PACRG: variants seen among roughly 807,000 people sequenced by gnomAD.
The protein encoded by PACRG is parkin coregulated gene protein.
In PACRG, 29 loss-of-function variants were observed where a neutral mutation model predicts 29.7. The ratio of observed to expected loss-of-function variants is 0.98; its 90% CI spans 0.73 to 1.33. The LOEUF is 1.33. PACRG is among the 40% of genes most tolerant of loss of function. The pLI, the probability that PACRG is intolerant of heterozygous loss-of-function variation, is 0.00. For missense variants in PACRG, 279 were observed against 316.2 expected, an observed-to-expected ratio of 0.88 and a Z score of 0.89; for synonymous variants, 116 against 118.7, an observed-to-expected ratio of 0.98 and a Z score of 0.15.
chr6:162,750,489 G>A (rs1048420663), intron 1 of PACRG, among the ~76,000 whole-genome samples: 2 of 152,162 alleles, frequency 1.3e-5, no homozygotes, highest in Admixed American at 6.5e-5. Flanking sequence ...TGACCTGACT[G>A]CAGGATGATA....
intron 1 of PACRG, among the ~76,000 whole-genome samples, chr6:162,780,274 G>T (rs1405357296): frequency 6.6e-6 from 1 of 152,220 alleles, no homozygotes; most frequent in East Asian, 1.9e-4. Flanking sequence ...CACTAAGAGG[G>T]AAAAATGAAC....
At chr6:163,004,005 C>T (rs1211610769) in intron 2 of PACRG, among the ~76,000 whole-genome samples, 1 of 152,112 alleles carries the variant, frequency 6.6e-6, no homozygotes, top group Admixed American at 6.6e-5. Context: ...GGATCATTAA[C>T]TCATGCTTAA....
chr6:163,285,822 T>C (rs1176492330), intron 4 of PACRG, among the ~76,000 whole-genome samples: 1 of 152,200 alleles, frequency 6.6e-6, no homozygotes, highest in South Asian at 2.1e-4. Context: ...GCAAAGAACA[T>C]TGCCCACAGT....
At chr6:162,995,429 G>T (rs530836764) in intron 2 of PACRG, among the ~76,000 whole-genome samples, 5 of 152,310 alleles carry the variant, frequency 3.3e-5, no homozygotes, top group South Asian at 4.1e-4. Flanking sequence ...CCAGGTGTGG[G>T]ATATAGTCTC....
chr6:162,770,507 A>G (rs1783135707), intron 1 of PACRG, among the ~76,000 whole-genome samples: 1 of 152,154 alleles, frequency 6.6e-6, no homozygotes, highest in Non-Finnish European at 1.5e-5. Flanking sequence ...TTCAAGCCAC[A>G]TAAAATAGAT....
rs558917968 is a variant in PACRG at position 163,299,909 on chromosome 6, G to A, written c.614-14918G>A. On this transcript the variant is annotated intron_variant, in intron 4 of 4. Transcript: ENST00000366888. ...ACAAACAAACAAACAAAAATATATA[G>A]CCTAGACTGAGGACCCACCATCACA... 2.0e-5 allele frequency among the ~76,000 whole-genome samples: 3 copies of A among 152,224 alleles called. No homozygotes were observed. The East Asian group carries it at 5.8e-4, about 29-fold the overall frequency.
intron 4 of PACRG, among the ~76,000 whole-genome samples, chr6:163,218,215 C>T (rs1158108519): frequency 1.3e-5 from 2 of 152,170 alleles, no homozygotes; most frequent in Non-Finnish European, 2.9e-5. Context: ...TCTCTCTGTC[C>T]TCATATCTCA....
intron 2 of PACRG, among the ~76,000 whole-genome samples, chr6:162,857,912 A>G (rs971825366): frequency 6.6e-6 from 1 of 152,144 alleles, no homozygotes; most frequent in African/African-American, 2.4e-5. Context: ...CCTGCTTTTA[A>G]TGCAACTTGA....
At chr6:162,740,059 G>A (rs1055898089) in intron 1 of PACRG, among the ~76,000 whole-genome samples, 2 of 151,902 alleles carry the variant, frequency 1.3e-5, no homozygotes, top group Non-Finnish European at 1.5e-5. Context: ...AATACTAACT[G>A]AGTACTCTGT....
chr6:162,755,971 A>G (rs981100230), intron 1 of PACRG, among the ~76,000 whole-genome samples: 3 of 151,808 alleles, frequency 2.0e-5, no homozygotes, highest in African/African-American at 7.3e-5. Flanking sequence ...ATTTTTTCTC[A>G]TCCATTTCTT....
At chr6:163,016,691 T>C (rs1248017289) in intron 2 of PACRG, among the ~76,000 whole-genome samples, 1 of 152,138 alleles carries the variant, frequency 6.6e-6, no homozygotes, top group Non-Finnish European at 1.5e-5. Context: ...TGAGAGCATT[T>C]TCATCTTTCA....
At chr6:163,108,540 G>A (rs1815526187) in intron 4 of PACRG, among the ~76,000 whole-genome samples, 1 of 150,002 alleles carries the variant, frequency 6.7e-6, no homozygotes, top group African/African-American at 2.5e-5. Context: ...CCACAGGCAT[G>A]TGCCACCACA....
At chr6:163,088,905 G>T (rs768450696) in intron 3 of PACRG, among the ~76,000 whole-genome samples, 1 of 152,070 alleles carries the variant, frequency 6.6e-6, no homozygotes, top group Non-Finnish European at 1.5e-5. Context: ...AAATGTATCT[G>T]TTGTCAACCC....
intron 3 of PACRG, among the ~76,000 whole-genome samples, chr6:163,077,072 T>C (rs1812613012): frequency 6.6e-6 from 1 of 152,258 alleles, no homozygotes; most frequent in Admixed American, 6.5e-5. Context: ...AGTGGCCATT[T>C]GGGCCTGCCA....
chr6:163,163,551 C>A (rs1031844083), intron 4 of PACRG, among the ~76,000 whole-genome samples: 1 of 152,174 alleles, frequency 6.6e-6, no homozygotes, highest in South Asian at 2.1e-4. Flanking sequence ...GGATTACAGG[C>A]GTGAGCCACC....
At position 162,853,676 on chromosome 6, in the gene PACRG, A is replaced by T. The variant is rs1330201132; in HGVS notation, c.291+39395A>T. On this transcript the variant is annotated intron_variant, in intron 2 of 4. Transcript: ENST00000366888. This position sits in a 1 kb window ranked among gnomAD's most constrained non-coding sequence, Gnocchi z 4.7. ...ACACACTGAACTTAGCATCTGGGGG[A>T]TGTAACAGTATGTACAACAAACGCC... Among the ~76,000 whole-genome samples, 11 of 152,198 alleles carry T rather than the reference A, an allele frequency of 7.2e-5. No homozygotes were observed. The highest frequency in any genetic ancestry group is 1.6e-4 in the Non-Finnish European group (11 of 68,024).
At chr6:162,760,814 T>C (rs1404669315) in intron 1 of PACRG, among the ~76,000 whole-genome samples, 1 of 152,128 alleles carries the variant, frequency 6.6e-6, no homozygotes, top group African/African-American at 2.4e-5. Flanking sequence ...TCACTCCAGA[T>C]ACTCCGCCCA....
chr6:163,066,356 C>T (rs764378724), intron 3 of PACRG, among the ~76,000 whole-genome samples: 1 of 152,172 alleles, frequency 6.6e-6, no homozygotes, highest in Non-Finnish European at 1.5e-5. Context: ...TGCAGTATCC[C>T]TCTGTCCTTC....
At chr6:162,881,845 C>T (rs1483347208) in intron 2 of PACRG, among the ~76,000 whole-genome samples, 4 of 146,256 alleles carry the variant, frequency 2.7e-5, no homozygotes, top group East Asian at 2.1e-4. Flanking sequence ...GGGCAGGGTG[C>T]GCTCTCCACC....
Sources: allele counts gnomAD v4.1 joint callset (sites outside exome capture counted in the v4.1 genomes callset), GRCh38; gene constraint gnomAD v4.1.1; non-coding constraint Gnocchi (gnomAD v3.1); transcripts MANE v1.5; gene names NCBI Gene and HGNC (gene_info 2026-07-23, HGNC 2026-07-21).